CDH12: variants seen among roughly 807,000 people sequenced by gnomAD.
The protein encoded by CDH12 is cadherin-12.
In CDH12, 41 loss-of-function variants were observed where a neutral mutation model predicts 74.1. That is an observed-to-expected ratio of 0.55 (90% confidence interval 0.43 to 0.72). The LOEUF (loss-of-function observed/expected upper bound fraction) is 0.72, where lower values mean the gene tolerates loss of function less well. Ranked by LOEUF, CDH12 falls within the 30% of genes least tolerant of loss-of-function variation. The pLI is 0.00. For missense variants in CDH12, 945 were observed against 977.2 expected, an observed-to-expected ratio of 0.97 and a Z score of 0.44; for synonymous variants, 399 against 355.0, an observed-to-expected ratio of 1.12 and a Z score of -1.39.
chr5:22,348,652 C>G (rs1740228823), intron 3 of CDH12, among the ~76,000 whole-genome samples: 1 of 152,164 alleles, frequency 6.6e-6, no homozygotes, highest in South Asian at 2.1e-4. Flanking sequence ...CTTGCTGGCT[C>G]TATCATCTTG....
chr5:21,984,333 G>T (rs371614619), intron 5 of CDH12, among the ~76,000 whole-genome samples: 5 of 152,078 alleles, frequency 3.3e-5, no homozygotes, highest in Non-Finnish European at 7.4e-5. Flanking sequence ...TTACATTCTG[G>T]TCATTAATGC....
intron 3 of CDH12, among the ~76,000 whole-genome samples, chr5:22,311,477 G>A (rs566848594): frequency 1.3e-5 from 2 of 152,042 alleles, no homozygotes; most frequent in East Asian, 3.9e-4. Flanking sequence ...GGCCTAGGAG[G>A]GTGGATCAGA....
At chr5:21,783,620 G>C in intron 10 of CDH12, 126 bp from the exon 11 acceptor site, 1 of 663,200 alleles carries the variant, frequency 1.5e-6, no homozygotes, top group South Asian at 1.9e-5. Context: ...CAATAAAGAA[G>C]ACTGTAAATG....
At chr5:22,829,121 A>C (rs185228172) in intron 1 of CDH12, among the ~76,000 whole-genome samples, 13 of 152,306 alleles carry the variant, frequency 8.5e-5, no homozygotes, top group African/African-American at 3.1e-4. Flanking sequence ...AACTTCTAAT[A>C]ATAGATGAGT....
chr5:22,463,558 C>T (rs1171652314), intron 2 of CDH12, among the ~76,000 whole-genome samples: 1 of 151,928 alleles, frequency 6.6e-6, no homozygotes, highest in Non-Finnish European at 1.5e-5. Flanking sequence ...AATAAATTAA[C>T]AAATAAAAGA....
chr5:22,782,765 T>C (rs1313374940), intron 1 of CDH12, among the ~76,000 whole-genome samples: 3 of 152,168 alleles, frequency 2.0e-5, no homozygotes, highest in Non-Finnish European at 4.4e-5. Flanking sequence ...TGCTTTTAAT[T>C]ACATATCGTA....
intron 3 of CDH12, among the ~76,000 whole-genome samples, chr5:22,290,047 G>A (rs1737314821): frequency 6.6e-6 from 1 of 152,146 alleles, no homozygotes; most frequent in African/African-American, 2.4e-5. Context: ...TGCCACAACT[G>A]CTACATTGAG....
chr5:22,447,985 T>TAAAAAA lies in CDH12; in HGVS notation c.-427-42640_-427-42635dup, dbSNP rs10660558. Among the ~76,000 whole-genome samples the TAAAAAA allele has an allele frequency of 8.5e-3, 721 of 84,372 alleles. 18 individuals carry two copies. The highest frequency in any genetic ancestry group is 0.017 in the South Asian group (35 of 2,062). The allele number at this position is 84,372 out of a possible 152,430, so 55.4% of individuals were successfully genotyped here. ...ATGAGGCCTCCTTTCTACAAGAAAT[T>TAAAAAA]AAAAAAAAAAAAAAAAAAAAGCCAG... On this transcript the variant is annotated intron_variant, in intron 2 of 14. Coordinates refer to ENST00000382254, the MANE Select transcript of CDH12 (RefSeq NM_004061.5).
At chr5:22,404,822 A>G (rs1197855203) in intron 3 of CDH12, among the ~76,000 whole-genome samples, 1 of 152,246 alleles carries the variant, frequency 6.6e-6, no homozygotes, top group East Asian at 1.9e-4. Context: ...AACAATTTTA[A>G]GACATTACAA....
intron 1 of CDH12, among the ~76,000 whole-genome samples, chr5:22,599,693 C>A (rs751925359): frequency 1.3e-5 from 2 of 151,834 alleles, no homozygotes; most frequent in Non-Finnish European, 2.9e-5. Flanking sequence ...AAGGAAGCTT[C>A]CAATTTAGAC....
intron 3 of CDH12, among the ~76,000 whole-genome samples, chr5:22,316,117 C>T (rs1287971418): frequency 6.6e-6 from 1 of 151,928 alleles, no homozygotes; most frequent in Non-Finnish European, 1.5e-5. Flanking sequence ...CAGGTGAATA[C>T]CTACCAGTGC....
intron 3 of CDH12, among the ~76,000 whole-genome samples, chr5:22,275,120 CCTGT>C (rs1736573090): frequency 6.6e-6 from 1 of 151,918 alleles, no homozygotes. Flanking sequence ...CACACTGAGG[CCTGT>C]CAGGAGGTCA....
chr5:21,825,045 T>A (rs373410431), intron 8 of CDH12, among the ~76,000 whole-genome samples: 8 of 151,600 alleles, frequency 5.3e-5, no homozygotes, highest in African/African-American at 1.9e-4. Flanking sequence ...TCCCAGTTAC[T>A]TGGGAGCTGA....
intron 1 of CDH12, among the ~76,000 whole-genome samples, chr5:22,663,936 T>C (rs1740478553): frequency 6.6e-6 from 1 of 152,168 alleles, no homozygotes; most frequent in Non-Finnish European, 1.5e-5. Context: ...CACATGGCTT[T>C]ATGAACTTGT....
At chr5:22,652,220 A>G (rs1739781926) in intron 1 of CDH12, among the ~76,000 whole-genome samples, 2 of 152,178 alleles carry the variant, frequency 1.3e-5, no homozygotes, top group Non-Finnish European at 1.5e-5. Flanking sequence ...TTAATTCATT[A>G]TGTAAATGAT....
chr5:22,502,794 A>G (rs1448035332), intron 2 of CDH12, among the ~76,000 whole-genome samples: 2 of 152,120 alleles, frequency 1.3e-5, no homozygotes, highest in Non-Finnish European at 2.9e-5. Context: ...TCATTTCATT[A>G]AAGTTTCTTC....
chr5:22,111,068 G>C (rs1580266472), intron 4 of CDH12, among the ~76,000 whole-genome samples: 1 of 152,072 alleles, frequency 6.6e-6, no homozygotes, highest in Non-Finnish European at 1.5e-5. Flanking sequence ...TACAAAGAGA[G>C]TTGAAATAGT....
chr5:21,902,308 G>A (rs1226083672), intron 6 of CDH12, among the ~76,000 whole-genome samples: 3 of 149,858 alleles, frequency 2.0e-5, no homozygotes, highest in Non-Finnish European at 4.4e-5. Flanking sequence ...GTATATATGT[G>A]TATATATATA....
chr5:22,716,270 G>A (rs1410214154), intron 1 of CDH12, among the ~76,000 whole-genome samples: 1 of 152,120 alleles, frequency 6.6e-6, no homozygotes, highest in Non-Finnish European at 1.5e-5. Flanking sequence ...CTGGATGGTT[G>A]GTGAAGGGCA....
Sources: gnomAD v4.1 joint callset for allele counts (sites outside exome capture counted in the v4.1 genomes callset) on GRCh38, gnomAD v4.1.1 for gene constraint, MANE v1.5 for transcripts, NCBI Gene and HGNC (gene_info 2026-07-23, HGNC 2026-07-21) for gene names.